ENOX1: variants seen among roughly 807,000 people sequenced by gnomAD.
ENOX1 encodes the protein candidate growth-related and time keeping constitutive hydroquinone (NADH) oxidase.
In ENOX1, 42 loss-of-function variants were observed where a neutral mutation model predicts 82.5. The ratio of observed to expected loss-of-function variants is 0.51; its 90% CI spans 0.40 to 0.66. The LOEUF is 0.66. Among genes scored for constraint, ENOX1 ranks in the 30% least tolerant of loss-of-function variants. The probability of loss-of-function intolerance (pLI) is 0.00; values close to 1 mark genes in which losing one functional copy is unlikely to be tolerated. For synonymous variants in ENOX1, 271 were observed against 282.2 expected, an observed-to-expected ratio of 0.96 and a Z score of 0.40; for missense variants, 608 against 811.6, an observed-to-expected ratio of 0.75 and a Z score of 3.05.
At chr13:43,332,333 T>C (rs1035534522) in intron 9 of ENOX1, among the ~76,000 whole-genome samples, 1 of 152,112 alleles carries the variant, frequency 6.6e-6, no homozygotes, top group African/African-American at 2.4e-5. Context: ...CAGTTCACAA[T>C]AGGGTTCACG....
At chr13:43,515,363 T>G (rs568085114) in intron 2 of ENOX1, among the ~76,000 whole-genome samples, 1 of 152,168 alleles carries the variant, frequency 6.6e-6, no homozygotes, top group Non-Finnish European at 1.5e-5. Context: ...TTTTCATTCA[T>G]AGTAGAGTTA....
chr13:43,534,743 G>A (rs1185821270), intron 2 of ENOX1, among the ~76,000 whole-genome samples: 2 of 152,146 alleles, frequency 1.3e-5, no homozygotes, highest in Non-Finnish European at 2.9e-5. Context: ...AATTTCTGGA[G>A]ACATTTTTGG....
intron 1 of ENOX1, among the ~76,000 whole-genome samples, chr13:43,701,985 C>G (rs549489077): frequency 6.6e-6 from 1 of 152,220 alleles, no homozygotes; most frequent in African/African-American, 2.4e-5. Context: ...CAGGGAACAC[C>G]CTTATGCTAC....
intron 2 of ENOX1, among the ~76,000 whole-genome samples, chr13:43,576,036 T>C (rs1156600507): frequency 1.3e-5 from 2 of 152,094 alleles, no homozygotes; most frequent in Non-Finnish European, 2.9e-5. Flanking sequence ...TAGAAGACAA[T>C]GAAACAAAAA....
intron 1 of ENOX1, among the ~76,000 whole-genome samples, chr13:43,672,753 T>C (rs532035706): frequency 1.3e-5 from 2 of 152,302 alleles, no homozygotes; most frequent in South Asian, 2.1e-4. Flanking sequence ...AAGTTTCACT[T>C]TGAGATCTCC....
intron 2 of ENOX1, among the ~76,000 whole-genome samples, chr13:43,656,265 C>T (rs1235389013): frequency 2.6e-5 from 4 of 152,058 alleles, no homozygotes; most frequent in Non-Finnish European, 5.9e-5. Flanking sequence ...CAGTTAGATG[C>T]CATTCTAGTA....
chr13:43,568,366 C>A (rs2080012543), intron 2 of ENOX1, among the ~76,000 whole-genome samples: 1 of 152,202 alleles, frequency 6.6e-6, no homozygotes, highest in South Asian at 2.1e-4. Flanking sequence ...AAAATTCCAG[C>A]TTTTGCCAAA....
intron 2 of ENOX1, among the ~76,000 whole-genome samples, chr13:43,514,954 T>G (rs1033114128): frequency 6.6e-6 from 1 of 152,122 alleles, no homozygotes; most frequent in African/African-American, 2.4e-5. Flanking sequence ...TGCCAGATTG[T>G]AGGTTGAGGC....
chr13:43,746,569 A>C (rs1950032749), intron 1 of ENOX1, among the ~76,000 whole-genome samples: 1 of 152,150 alleles, frequency 6.6e-6, no homozygotes, highest in Admixed American at 6.6e-5. Flanking sequence ...CAGGAATGAG[A>C]AAATCACCTG....
chr13:43,526,834 G>A (rs1295669933), intron 2 of ENOX1, among the ~76,000 whole-genome samples: 1 of 152,112 alleles, frequency 6.6e-6, no homozygotes, highest in Non-Finnish European at 1.5e-5. Flanking sequence ...AATGGCCAAT[G>A]TGATAGGATT....
At chr13:43,592,709 A>T (rs1240549141) in intron 2 of ENOX1, among the ~76,000 whole-genome samples, 2 of 152,218 alleles carry the variant, frequency 1.3e-5, no homozygotes, top group African/African-American at 4.8e-5. Context: ...AAGACAGGCT[A>T]TATGATTCAA....
chr13:43,424,830 C>T (rs1462670837), intron 3 of ENOX1, among the ~76,000 whole-genome samples: 1 of 152,112 alleles, frequency 6.6e-6, no homozygotes, highest in Non-Finnish European at 1.5e-5. Flanking sequence ...ATGGCTATAT[C>T]ACTGGGAGTA....
At chr13:43,612,830 T>A (rs1214362256) in intron 2 of ENOX1, among the ~76,000 whole-genome samples, 2 of 150,234 alleles carry the variant, frequency 1.3e-5, no homozygotes, top group East Asian at 3.9e-4. Flanking sequence ...TGAACATTTA[T>A]GTATCACTAC....
chr13:43,480,505 T>C (rs1380302630), intron 3 of ENOX1, among the ~76,000 whole-genome samples: 1 of 152,178 alleles, frequency 6.6e-6, no homozygotes, highest in Admixed American at 6.5e-5. Flanking sequence ...AGAAAAAGGA[T>C]GATTTAAAAA....
chr13:43,274,905 G>A (rs2044915785), intron 12 of ENOX1, among the ~76,000 whole-genome samples: 2 of 152,180 alleles, frequency 1.3e-5, no homozygotes, highest in Non-Finnish European at 2.9e-5. Context: ...AATTCAAAGA[G>A]CATTACAAAT....
chr13:43,404,764 T>C (rs2053691085), intron 5 of ENOX1, among the ~76,000 whole-genome samples: 1 of 152,228 alleles, frequency 6.6e-6, no homozygotes, highest in Admixed American at 6.5e-5. Flanking sequence ...CAATGTAATG[T>C]CCTAATGTCC....
intron 2 of ENOX1, among the ~76,000 whole-genome samples, chr13:43,575,798 C>A (rs1174948958): frequency 6.6e-6 from 1 of 152,192 alleles, no homozygotes; most frequent in Non-Finnish European, 1.5e-5. Context: ...ACTCCAGGTT[C>A]CTCTTCTGTA....
At chr13:43,315,755 C>T (rs1430892228) in intron 11 of ENOX1, among the ~76,000 whole-genome samples, 1 of 152,158 alleles carries the variant, frequency 6.6e-6, no homozygotes, top group African/African-American at 2.4e-5. Context: ...TAGTACTTTC[C>T]ATAGCAACTT....
chr13:43,565,748 C>T (rs2079889374), intron 2 of ENOX1, among the ~76,000 whole-genome samples: 1 of 152,080 alleles, frequency 6.6e-6, no homozygotes, highest in East Asian at 1.9e-4. Context: ...GCAGGAAATC[C>T]AAGGGTGAGC....
Sources: allele counts gnomAD v4.1 joint callset (sites outside exome capture counted in the v4.1 genomes callset), GRCh38; gene constraint gnomAD v4.1.1; transcripts MANE v1.5; gene names NCBI Gene and HGNC (gene_info 2026-07-23, HGNC 2026-07-21).